The following DUSP6 variants were observed in gnomAD, a reference collection of about 807,000 sequenced individuals.
The protein encoded by DUSP6 is dual specificity protein phosphatase 6.
A neutral mutation model predicts 28.0 loss-of-function variants in DUSP6; 6 were observed. The observed-to-expected ratio is 0.21, with a 90% confidence interval of 0.12 to 0.42. DUSP6 has a LOEUF of 0.42. Among genes scored for constraint, DUSP6 ranks in the 10% least tolerant of loss-of-function variants. The pLI, the probability that DUSP6 is intolerant of heterozygous loss-of-function variation, is 1.00. For missense variants in DUSP6, 451 were observed against 498.1 expected (o/e 0.91, Z 0.90); for synonymous variants, 252 against 217.5 (o/e 1.16, Z -1.40).
Position 89,350,711 on chromosome 12 carries a change from C to T in DUSP6, c.715G>A (p.Val239Ile), listed in dbSNP as rs759708987. 3.1e-6 allele frequency: 5 copies of T among 1,614,090 alleles called. No homozygotes were observed. The African/African-American group carries it at 6.7e-5, about 22-fold the overall frequency. Reference sequence around the variant, plus strand: ...AAGAGATTCGGCAAATTGGGGGTGACGTTCAAGATGTACTTGATGCCGAAT... The same window carrying T: ...AAGAGATTCGGCAAATTGGGGGTGATGTTCAAGATGTACTTGATGCCGAAT... ...EEFGIKYILN[V>I]TPNLPNLFEN... Residue 239 changes from valine (V) to isoleucine (I), a missense_variant, in exon 2 of 3, where the codon GTC becomes ATC. By Grantham distance (29) the Val-to-Ile change is conservative (BLOSUM62 3). Coordinates refer to ENST00000279488, the MANE Select transcript of DUSP6 (RefSeq NM_001946.4).
rs12828557 is a variant in DUSP6, at chr12:89,349,462, T to C, written c.938A>G (p.Asn313Ser). Residue 313 changes from asparagine to serine, a missense_variant, in exon 3 of 3, where the codon AAT becomes AGT. This residue lies in a region of DUSP6 where 104 missense variants were observed against 151.4 expected (regional missense o/e 0.69). Transcript: ENST00000279488. ...GTCATAGGCATCGTTCATCGACAGA[T>C]TGAGCTTCTGCATAAGGTAAGCCAC... ...VTVAYLMQKL[N>S]LSMNDAYDIV... 1.2e-6 allele frequency: 2 copies of C among 1,614,176 alleles called. No individual in the cohort carries two copies. The highest frequency in any genetic ancestry group is 1.7e-6 in the Non-Finnish European group (2 of 1,180,004).
intron 2 of DUSP6, 26 bp downstream of exon 2, chr12:89,350,562 G>A (rs1565874708): frequency 4.4e-6 from 7 of 1,594,572 alleles, no homozygotes; most frequent in Middle Eastern, 1.7e-4. Context: ...TTAAATGTCA[G>A]AGCGACGACT....
In DUSP6 at chr12:89,349,068, A is replaced by G; in HGVS notation, c.*186T>C. 1 of 635,752 alleles carries G rather than the reference A, an allele frequency of 1.6e-6. No homozygotes were observed. 39.4% of individuals were successfully genotyped at this position (635,752 alleles called of 1,614,324 possible). ...CTATACAGCATGTCCTGTTATTCCAAAGAGAATGGAGCAAATCTCTCTGTT... is the reference window on the plus strand; with the variant it reads ...CTATACAGCATGTCCTGTTATTCCAGAGAGAATGGAGCAAATCTCTCTGTT... On this transcript the variant is annotated 3_prime_UTR_variant, in exon 3 of 3. Coordinates refer to ENST00000279488, the MANE Select transcript of DUSP6 (RefSeq NM_001946.4).
At position 89,352,070 on chromosome 12, in the gene DUSP6, C is replaced by G. The variant is rs1396869387; in HGVS notation, c.-31G>C. ...TCGAGCTGCGGGAGAGGGCGGGGTGCCTACCAGACGCCCCTCGGGGCAGGC... is the reference window on the plus strand; with the variant it reads ...TCGAGCTGCGGGAGAGGGCGGGGTGGCTACCAGACGCCCCTCGGGGCAGGC... On this transcript the variant is annotated 5_prime_UTR_variant, in exon 1 of 3. Coordinates refer to ENST00000279488, the MANE Select transcript of DUSP6 (RefSeq NM_001946.4). 3 of 1,595,224 alleles carry G rather than the reference C, an allele frequency of 1.9e-6. No individual in the cohort carries two copies. In the East Asian group the frequency reaches 6.7e-5, roughly 36 times the overall value.
chr12:89,352,058 G>C lies in DUSP6; in HGVS notation c.-19C>G. ...CTATCATGGGGGTCGAGCTGCGGGAGAGGGCGGGGTGCCTACCAGACGCCC... is the reference window on the plus strand; with the variant it reads ...CTATCATGGGGGTCGAGCTGCGGGACAGGGCGGGGTGCCTACCAGACGCCC... On this transcript the variant is annotated 5_prime_UTR_variant, in exon 1 of 3. Coordinates refer to ENST00000279488, the MANE Select transcript of DUSP6 (RefSeq NM_001946.4). 2.5e-6 allele frequency: 4 copies of C among 1,602,478 alleles called. No homozygotes were observed. The highest frequency in any genetic ancestry group is 3.4e-6 in the Non-Finnish European group (4 of 1,172,040).
Position 89,349,479 on chromosome 12 carries a change from G to A in DUSP6, c.921C>T (p.Tyr307=). The A allele has an allele frequency of 6.2e-7, 1 of 1,614,052 alleles. No individual in the cohort carries two copies. The highest frequency in any genetic ancestry group is 1.1e-5 in the South Asian group (1 of 91,082). Residue 307 remains tyrosine, a synonymous_variant, in exon 3 of 3, where the codon TAC becomes TAT. Coordinates refer to ENST00000279488, the MANE Select transcript of DUSP6 (RefSeq NM_001946.4). ...TCGACAGATTGAGCTTCTGCATAAG[G>A]TAAGCCACAGTCACAGTGACTGAGC... is the stretch of plus-strand genomic sequence containing the variant. ...ISRSVTVTVA[Y]LMQKLNLSMN...
chr12:89,348,781 T>C lies in DUSP6; in HGVS notation c.*473A>G, dbSNP rs1879074045. ...TACAATAATCAAATGGAGTATCAGA[T>C]TTTTTTTTCCAAACTGATACCACAA... On this transcript the variant is annotated 3_prime_UTR_variant, in exon 3 of 3. Coordinates refer to ENST00000279488, the MANE Select transcript of DUSP6 (RefSeq NM_001946.4). The C allele has an allele frequency of 6.5e-6, 1 of 153,162 alleles. No individual in the cohort carries two copies. The highest frequency in any genetic ancestry group is 2.4e-5 in the African/African-American group (1 of 41,414). The allele number at this position is 153,162 out of a possible 1,614,324, so 9.5% of individuals were successfully genotyped here.
At position 89,348,184 on chromosome 12, in the gene DUSP6, T is replaced by C. The variant is rs1447976959; in HGVS notation, c.*1070A>G. The C allele has an allele frequency of 6.6e-6, 1 of 152,600 alleles. No individual in the cohort carries two copies. The allele number at this position is 152,600 out of a possible 1,614,324, so 9.5% of individuals were successfully genotyped here. On this transcript the variant is annotated 3_prime_UTR_variant, in exon 3 of 3. Coordinates refer to ENST00000279488, the MANE Select transcript of DUSP6 (RefSeq NM_001946.4). Reference sequence around the variant, plus strand: ...TAACTCTCCCTTCTTCACAATCAAATGCATTTCTCTTATCAAATGGGTACC... The same window carrying C: ...TAACTCTCCCTTCTTCACAATCAAACGCATTTCTCTTATCAAATGGGTACC...
rs750610775 is a variant in DUSP6, at chr12:89,349,521, G to A, written c.879C>T (p.Cys293=). 2.5e-6 allele frequency: 4 copies of A among 1,614,036 alleles called. No homozygotes were observed. The highest frequency in any genetic ancestry group is 2.5e-6 in the Non-Finnish European group (3 of 1,179,918). Residue 293 remains cysteine (C), a synonymous_variant, in exon 3 of 3, where the codon TGC becomes TGT. Transcript: ENST00000279488. Reference sequence around the variant, plus strand: ...TGACTGAGCGGCTAATGCCAGCCAAGCAATGTACCAAGACACCACAGTTCT... The same window carrying A: ...TGACTGAGCGGCTAATGCCAGCCAAACAATGTACCAAGACACCACAGTTCT... ...RGKNCGVLVH[C]LAGISRSVTV...
Position 89,351,890 on chromosome 12 carries a change from G to GTAT in DUSP6, c.149_150insATA (p.Ile50_Glu51insTyr). 1 of 1,612,758 alleles carries GTAT rather than the reference G, an allele frequency of 6.2e-7. No individual in the cohort carries two copies. On this transcript the variant is annotated inframe_insertion, in exon 1 of 3. Transcript: ENST00000279488. ...GGATGGCCACGTTGATGGCCGACTC[G>GTAT]ATGTGCGACGACTCGTATAGCTCCT...
chr12:89,351,939 A>C lies in DUSP6; in HGVS notation c.101T>G (p.Leu34Arg). Residue 34 changes from leucine (L) to arginine (R), a missense_variant, in exon 1 of 3, where the codon CTG becomes CGG. Around this residue, in one of 2 missense-constraint regions of DUSP6, gnomAD observed 347 missense variants for 346.6 expected, o/e 1.00. Coordinates refer to ENST00000279488, the MANE Select transcript of DUSP6 (RefSeq NM_001946.4). ...NEQLELGNER[L>R]LLMDCRPQEL... ...CTGCGGCCGGCAGTCCATCAGCAGC[A>C]GCCGCTCGTTGCCCAGCTCCAGCTG... is the stretch of plus-strand genomic sequence containing the variant. 4 of 1,612,994 alleles carry C rather than the reference A, an allele frequency of 2.5e-6. No individual in the cohort carries two copies. The highest frequency in any genetic ancestry group is 3.4e-6 in the Non-Finnish European group (4 of 1,179,962).
Position 89,350,736 on chromosome 12 carries a change from T to TTCC in DUSP6, c.687_689dup (p.Glu230dup). ...CGTTCAAGATGTACTTGATGCCGAA[T>TTCC]TCCTCCAACACGTCCAAGTTGGTGG... On this transcript the variant is annotated inframe_insertion, in exon 2 of 3. Coordinates refer to ENST00000279488, the MANE Select transcript of DUSP6 (RefSeq NM_001946.4). The TTCC allele has an allele frequency of 6.2e-7, 1 of 1,614,134 alleles. No individual in the cohort carries two copies. Among genetic ancestry groups the TTCC allele is most frequent in the Non-Finnish European group, 8.5e-7 (1 of 1,180,016 alleles).
Position 89,352,206 on chromosome 12 carries a change from G to C in DUSP6, c.-167C>G, listed in dbSNP as rs559157035. 5.1e-5 allele frequency: 53 copies of C among 1,036,324 alleles called. No individual in the cohort carries two copies. The African/African-American group carries it at 8.3e-4, about 16-fold the overall frequency. The allele number at this position is 1,036,324 out of a possible 1,614,324, so 64.2% of individuals were successfully genotyped here. A position where few individuals can be genotyped will look rare whatever the true frequency, so the allele number is the denominator to read the frequency against. ...TTGGGGCAGACGAGACAGAAGTAAAGCCGGAGGTTCTCTCTGCACCCAGCT... is the reference window on the plus strand; with the variant it reads ...TTGGGGCAGACGAGACAGAAGTAAACCCGGAGGTTCTCTCTGCACCCAGCT... On this transcript the variant is annotated 5_prime_UTR_variant, in exon 1 of 3. Coordinates refer to ENST00000279488, the MANE Select transcript of DUSP6 (RefSeq NM_001946.4).
In DUSP6 at chr12:89,351,953, C is replaced by G. The variant is rs776032408; in HGVS notation, c.87G>C (p.Leu29=). The G allele has an allele frequency of 1.9e-6, 3 of 1,613,066 alleles. No individual in the cohort carries two copies. In the Admixed American group the frequency reaches 5.0e-5, roughly 27 times the overall value. ...TVAWLNEQLE[L]GNERLLLMDC... ...CCATCAGCAGCAGCCGCTCGTTGCC[C>G]AGCTCCAGCTGCTCGTTGAGCCACG... Residue 29 remains leucine (L), a synonymous_variant, in exon 1 of 3, where the codon CTG becomes CTC. Transcript: ENST00000279488.
rs768291739 is a variant in DUSP6 at position 89,351,744 on chromosome 12, T to G, written c.296A>C (p.Asp99Ala). The G allele has an allele frequency of 6.2e-7, 1 of 1,607,250 alleles. No homozygotes were observed. Among genetic ancestry groups the G allele is most frequent in the South Asian group, 1.1e-5 (1 of 90,102 alleles). Residue 99 changes from aspartate to alanine, a missense_variant, in exon 1 of 3, where the codon GAC becomes GCC. This residue lies in a region of DUSP6 where 347 missense variants were observed against 346.6 expected (regional missense o/e 1.00). Coordinates refer to ENST00000279488, the MANE Select transcript of DUSP6 (RefSeq NM_001946.4). ...RCGTDTVVLY[D>A]ESSSDWNENT... ...CTCGTTCCAGTCGCTGCTGCTCTCG[T>G]CGTAGAGCACCACTGTGTCGGTGCC... is the stretch of plus-strand genomic sequence containing the variant.
chr12:89,351,918 G>C lies in DUSP6; in HGVS notation c.122C>G (p.Pro41Arg). The C allele has an allele frequency of 2.5e-6, 4 of 1,612,924 alleles. No individual in the cohort carries two copies. The highest frequency in any genetic ancestry group is 3.4e-6 in the Non-Finnish European group (4 of 1,179,956). The change falls in exon 1 of 3, where the codon CCG (proline) becomes CGG (arginine). Residue 41 changes from proline to arginine, a missense_variant. By Grantham distance (103) the Pro-to-Arg change is moderately radical (BLOSUM62 -2). Transcript: ENST00000279488. ...GTGCGACGACTCGTATAGCTCCTGC[G>C]GCCGGCAGTCCATCAGCAGCAGCCG... ...NERLLLMDCR[P>R]QELYESSHIE... is the part of the protein sequence containing the mutation.
intron 2 of DUSP6, among the ~76,000 whole-genome samples, chr12:89,350,197 C>A (rs1016483311): frequency 6.6e-6 from 1 of 152,230 alleles, no homozygotes; most frequent in Non-Finnish European, 1.5e-5. Context: ...CAACAACTAA[C>A]TTGATGTCCT....
In DUSP6 at chr12:89,351,857, G is replaced by C. The variant is rs926176218; in HGVS notation, c.183C>G (p.Ile61Met). Reference sequence around the variant, plus strand: ...TACCCTTCTGCAGGCGCCGCAGCATGATGCCCGGGATGGCCACGTTGATGG... The same window carrying C: ...TACCCTTCTGCAGGCGCCGCAGCATCATGCCCGGGATGGCCACGTTGATGG... ...ESAINVAIPG[I>M]MLRRLQKGNL... The change falls in exon 1 of 3, where the codon ATC (isoleucine) becomes ATG (methionine). Residue 61 changes from isoleucine to methionine, a missense_variant. By Grantham distance (10) the Ile-to-Met change is conservative (BLOSUM62 1). Coordinates refer to ENST00000279488, the MANE Select transcript of DUSP6 (RefSeq NM_001946.4). 4.3e-6 allele frequency: 7 copies of C among 1,612,138 alleles called. No homozygotes were observed. Among genetic ancestry groups the C allele is most frequent in the Non-Finnish European group, 5.9e-6 (7 of 1,179,804 alleles).
In DUSP6 at chr12:89,349,358, C is replaced by G; in HGVS notation, c.1042G>C (p.Gly348Arg). 6.2e-7 allele frequency: 1 copy of G among 1,614,134 alleles called. No individual in the cohort carries two copies. Among genetic ancestry groups the G allele is most frequent in the Non-Finnish European group, 8.5e-7 (1 of 1,180,020 alleles). ...CTGTTGTCACATGGGCTGCTGAGTC[C>G]CAGCGTCCTCTCGAAGTCCAGCAGC... The part of the protein sequence containing the change: ...GQLLDFERTL[G>R]LSSPCDNRVP... Residue 348 changes from glycine to arginine, a missense_variant, in exon 3 of 3, where the codon GGA (glycine) becomes CGA (arginine). Gly to Arg is a moderately radical substitution (Grantham distance 125). Coordinates refer to ENST00000279488, the MANE Select transcript of DUSP6 (RefSeq NM_001946.4).
Sources: gnomAD v4.1 joint callset for allele counts (sites outside exome capture counted in the v4.1 genomes callset) on GRCh38, gnomAD v4.1.1 for gene constraint, gnomAD v4.1.1 regional missense constraint, MANE v1.5 for transcripts, NCBI Gene and HGNC (gene_info 2026-07-23, HGNC 2026-07-21) for gene names.